SYNE2: variants seen among roughly 807,000 people sequenced by gnomAD.
The protein encoded by SYNE2 is spectrin repeat containing nuclear envelope protein 2, also known as nesprin-2.
SYNE2 carries 431 observed loss-of-function variants against 856.3 expected under a neutral mutation model. The ratio of observed to expected loss-of-function variants is 0.50; its 90% CI spans 0.47 to 0.55. The LOEUF is 0.55. SYNE2 is among the 20% of genes least tolerant of loss of function. The pLI is 0.00. For missense variants in SYNE2, 8,129 were observed against 8,023.2 expected, an observed-to-expected ratio of 1.01 and a Z score of -0.50; for synonymous variants, 2,923 against 2,872.3, an observed-to-expected ratio of 1.02 and a Z score of -0.56.
chr14:64,133,852 A>AT (rs1438740850), intron 77 of SYNE2, among the ~76,000 whole-genome samples: 1 of 152,192 alleles, frequency 6.6e-6, no homozygotes, highest in Non-Finnish European at 1.5e-5. Flanking sequence ...GCCAACTCAG[A>AT]TTCTTTTTAA....
intron 1 of SYNE2, among the ~76,000 whole-genome samples, chr14:63,841,945 G>T (rs1890080178): frequency 6.9e-6 from 1 of 145,050 alleles, no homozygotes. Context: ...CTATTTTCCT[G>T]CCTCAGCCTT....
intron 2 of SYNE2, among the ~76,000 whole-genome samples, chr14:63,909,905 A>C (rs2095452382): frequency 6.6e-6 from 1 of 152,234 alleles, no homozygotes; most frequent in Non-Finnish European, 1.5e-5. Context: ...GTAATATTAT[A>C]AATGAATGAC....
intron 32 of SYNE2, 76 bp from the exon 33 acceptor site, chr14:64,016,397 C>G (rs1375774019): frequency 1.0e-6 from 1 of 993,348 alleles, no homozygotes; most frequent in African/African-American, 1.7e-5. Context: ...AGCTCAATAT[C>G]CAACAATAGA....
chr14:63,811,910 A>G (rs1375968594), intron 1 of SYNE2, among the ~76,000 whole-genome samples: 1 of 152,196 alleles, frequency 6.6e-6, no homozygotes, highest in Non-Finnish European at 1.5e-5. Context: ...GCCAATAAAG[A>G]TCACAAGTCA....
chr14:63,912,508 G>T (rs1207505254), intron 2 of SYNE2, among the ~76,000 whole-genome samples: 1 of 152,158 alleles, frequency 6.6e-6, no homozygotes, highest in Non-Finnish European at 1.5e-5. Context: ...ATGAGAAAGA[G>T]ATTTCATGTA....
At chr14:63,985,327 C>CT (rs1219615931) in intron 18 of SYNE2, among the ~76,000 whole-genome samples, 3 of 84,470 alleles carry the variant, frequency 3.6e-5, no homozygotes, top group African/African-American at 1.9e-4. Flanking sequence ...GAGGCTCCAT[C>CT]TCAAAAAAAA....
chr14:63,957,825 C>A (rs756132052), intron 8 of SYNE2, among the ~76,000 whole-genome samples: 1 of 152,058 alleles, frequency 6.6e-6, no homozygotes, highest in Non-Finnish European at 1.5e-5. Flanking sequence ...TTTCCCCCTT[C>A]TTTCCATACT....
intron 70 of SYNE2, among the ~76,000 whole-genome samples, chr14:64,123,221 G>A (rs1432314820): frequency 6.6e-6 from 1 of 152,156 alleles, no homozygotes; most frequent in East Asian, 1.9e-4. Flanking sequence ...GCCAATCGGT[G>A]TTCCCTGTGA....
intron 2 of SYNE2, among the ~76,000 whole-genome samples, chr14:63,929,702 C>T (rs754705772): frequency 7.4e-5 from 11 of 149,410 alleles, no homozygotes; most frequent in African/African-American, 1.7e-4. Context: ...ACACGGGAGG[C>T]GGAGGTTGCA....
Position 64,056,064 on chromosome 14 carries a change from C to T in SYNE2, c.9865C>T (p.Pro3289Ser), listed in dbSNP as rs1250494382. Reference protein sequence around the residue: ...IIPYRVDVGNPEESLEMPLRK... With the variant: ...IIPYRVDVGNSEESLEMPLRK... ...ACCCTACAGAGTAGATGTTGGTAAT[C>T]CAGAAGAATCTTTAGAGATGCCTCT... The change falls in exon 49 of 116, where the codon CCA becomes TCA. Residue 3289 changes from proline (P) to serine (S), a missense_variant. Physicochemically the swap from Pro to Ser is moderately conservative, Grantham distance 74. This residue lies in a region of SYNE2 where 5,410 missense variants were observed against 5,284.8 expected (regional missense o/e 1.02). Coordinates refer to ENST00000555002, the MANE Select transcript of SYNE2 (RefSeq NM_182914.3). The T allele has an allele frequency of 6.2e-7, 1 of 1,614,166 alleles. No individual in the cohort carries two copies. The highest frequency in any genetic ancestry group is 8.5e-7 in the Non-Finnish European group (1 of 1,180,022).
chr14:64,096,017 G>A (rs1428225966), intron 61 of SYNE2, among the ~76,000 whole-genome samples: 2 of 152,072 alleles, frequency 1.3e-5, no homozygotes, highest in Non-Finnish European at 2.9e-5. Context: ...CTCCCTTTAG[G>A]AAGATGTAGT....
intron 43 of SYNE2, among the ~76,000 whole-genome samples, chr14:64,028,613 G>A (rs998167065): frequency 2.4e-4 from 36 of 151,984 alleles, no homozygotes; most frequent in Admixed American, 5.2e-4. Context: ...AATAAATCCA[G>A]CTCATTTTGC....
intron 98 of SYNE2, 177 bp downstream of exon 98, chr14:64,188,885 C>T (rs1363729891): frequency 1.4e-6 from 1 of 736,576 alleles, no homozygotes; most frequent in South Asian, 1.5e-5. Context: ...GAGGAGGTTC[C>T]AGAGAGATGG....
chr14:63,970,653 T>A (rs957287948), intron 11 of SYNE2, among the ~76,000 whole-genome samples: 1 of 45,898 alleles, frequency 2.2e-5, no homozygotes, highest in Non-Finnish European at 3.8e-5. Flanking sequence ...TCTTTTTTCT[T>A]TTTTTTTTTT....
At chr14:64,211,570 T>C (rs1028997709) in intron 103 of SYNE2, among the ~76,000 whole-genome samples, 3 of 152,226 alleles carry the variant, frequency 2.0e-5, no homozygotes, top group Non-Finnish European at 4.4e-5. Flanking sequence ...AGAAGGCCAA[T>C]GTGTAAAACA....
chr14:64,062,051 G>A (rs1368634125), intron 49 of SYNE2, among the ~76,000 whole-genome samples: 2 of 151,870 alleles, frequency 1.3e-5, no homozygotes, highest in Non-Finnish European at 2.9e-5. Context: ...GGGGATTTAG[G>A]CTGTGTCTGT....
chr14:64,101,892 G>A (rs1172873262), intron 63 of SYNE2, 40 bp from the exon 64 acceptor site: 1 of 1,484,568 alleles, frequency 6.7e-7, no homozygotes, highest in South Asian at 1.1e-5. Context: ...GACAGTAAGG[G>A]AAGCTCTTCC....
intron 1 of SYNE2, among the ~76,000 whole-genome samples, chr14:63,861,048 G>A (rs1893473920): frequency 6.6e-6 from 1 of 152,038 alleles, no homozygotes; most frequent in Admixed American, 6.6e-5. Context: ...GCTCCAGACT[G>A]TGAACCATGG....
intron 113 of SYNE2, 83 bp from the exon 114 acceptor site, chr14:64,224,378 T>C (rs1393709318): frequency 1.8e-5 from 21 of 1,179,784 alleles, no homozygotes; most frequent in Non-Finnish European, 2.5e-5. Flanking sequence ...AAGATTGATT[T>C]AAGGTAGGGG....
Sources: allele counts gnomAD v4.1 joint callset (sites outside exome capture counted in the v4.1 genomes callset), GRCh38; gene constraint gnomAD v4.1.1; regional missense constraint gnomAD v4.1.1; transcripts MANE v1.5; gene names NCBI Gene and HGNC (gene_info 2026-07-23, HGNC 2026-07-21).